Variants in RBFOX1 observed in about 807,000 individuals in gnomAD.
The protein encoded by RBFOX1 is RNA binding fox-1 homolog 1, also known as RNA binding protein fox-1 homolog 1.
Under a neutral mutation model 57.7 loss-of-function variants are expected in RBFOX1, and 8 were observed. The observed-to-expected ratio is 0.14, with a 90% CI of 0.08 to 0.25. The LOEUF (loss-of-function observed/expected upper bound fraction) is 0.25. Among genes scored for constraint, RBFOX1 ranks in the 10% least tolerant of loss-of-function variants. RBFOX1 has a pLI of 1.00. For synonymous variants in RBFOX1, 326 were observed against 222.4 expected (o/e 1.47, Z -4.15); for missense variants, 611 against 548.5 (o/e 1.11, Z -1.14).
chr16:6,587,192 C>G (rs183849130), intron 2 of RBFOX1, among the ~76,000 whole-genome samples: 1 of 152,106 alleles, frequency 6.6e-6, no homozygotes, highest in Non-Finnish European at 1.5e-5. Flanking sequence ...CCCCTCTCTC[C>G]GCACTGGTAA....
At chr16:5,725,577 T>C (rs1372161030) in intron 3 of RBFOX1, among the ~76,000 whole-genome samples, 3 of 151,588 alleles carry the variant, frequency 2.0e-5, no homozygotes, top group Non-Finnish European at 4.4e-5. Flanking sequence ...GCTTAAGATA[T>C]GTTTCTATCA....
chr16:7,380,176 A>T (rs1434805106), intron 4 of RBFOX1, among the ~76,000 whole-genome samples: 1 of 152,140 alleles, frequency 6.6e-6, no homozygotes, highest in Non-Finnish European at 1.5e-5. Context: ...TTTGCTGTAT[A>T]CCTTTTGGTA....
At chr16:5,543,607 G>A (rs141394051) in intron 2 of RBFOX1, among the ~76,000 whole-genome samples, 35 of 152,218 alleles carry the variant, frequency 2.3e-4, no homozygotes, top group Middle Eastern at 6.8e-3. Flanking sequence ...GAGATGGAGA[G>A]ACAGAAAAAA....
At chr16:6,821,763 A>G (rs924514749) in intron 3 of RBFOX1, among the ~76,000 whole-genome samples, 19 of 152,108 alleles carry the variant, frequency 1.2e-4, no homozygotes, top group African/African-American at 3.6e-4. Flanking sequence ...AAATGAACCA[A>G]TTTTTTCATT....
At chr16:6,456,877 A>T (rs1323321570) in intron 2 of RBFOX1, among the ~76,000 whole-genome samples, 2 of 152,328 alleles carry the variant, frequency 1.3e-5, no homozygotes, top group African/African-American at 4.8e-5. Context: ...ATTTAATGAG[A>T]TGGCAGAATT....
intron 5 of RBFOX1, among the ~76,000 whole-genome samples, chr16:7,532,051 T>C (rs375639948): frequency 2.0e-5 from 3 of 152,244 alleles, no homozygotes; most frequent in African/African-American, 4.8e-5. Context: ...GTATTTGACT[T>C]CTGCATTTTT....
chr16:6,920,359 T>TAA (rs2074197010), intron 3 of RBFOX1, among the ~76,000 whole-genome samples: 1 of 152,206 alleles, frequency 6.6e-6, no homozygotes, highest in Admixed American at 6.5e-5. Context: ...ATTGTCATGA[T>TAA]ACAATCTCTC....
intron 12 of RBFOX1, 93 bp downstream of exon 12, chr16:7,654,040 T>G (rs2065730093): frequency 4.5e-6 from 6 of 1,320,236 alleles, no homozygotes; most frequent in Middle Eastern, 2.7e-4. Flanking sequence ...TGGTCTTGAC[T>G]CCCCCTCCGC....
chr16:6,347,591 G>C (rs2085592874), intron 2 of RBFOX1, among the ~76,000 whole-genome samples: 1 of 152,198 alleles, frequency 6.6e-6, no homozygotes, highest in African/African-American at 2.4e-5. Flanking sequence ...GATGCTAGCT[G>C]GGTGAAGGAC....
chr16:5,860,378 T>C (rs1400635494), intron 3 of RBFOX1, among the ~76,000 whole-genome samples: 1 of 152,146 alleles, frequency 6.6e-6, no homozygotes, highest in Non-Finnish European at 1.5e-5. Flanking sequence ...CCTGGCCTAC[T>C]TCACCACTTT....
intron 4 of RBFOX1, among the ~76,000 whole-genome samples, chr16:7,415,766 GA>G (rs2098472027): frequency 7.3e-6 from 1 of 136,378 alleles, no homozygotes; most frequent in Non-Finnish European, 1.5e-5. Flanking sequence ...TCCAGTGCAG[GA>G]AAGTGGAAGA....
chr16:6,491,838 A>G (rs886828547), intron 2 of RBFOX1, among the ~76,000 whole-genome samples: 3 of 152,194 alleles, frequency 2.0e-5, no homozygotes, highest in Admixed American at 6.5e-5. Context: ...GCCCAAAGCT[A>G]TATCAATCAT....
At chr16:7,376,844 G>T (rs1454479360) in intron 4 of RBFOX1, among the ~76,000 whole-genome samples, 1 of 152,086 alleles carries the variant, frequency 6.6e-6, no homozygotes. Flanking sequence ...TAAAAGTCGT[G>T]GTCATCTCTC....
chr16:5,265,002 CTG>C (rs555034751), intron 1 of RBFOX1, among the ~76,000 whole-genome samples: 3 of 151,350 alleles, frequency 2.0e-5, no homozygotes, highest in Admixed American at 6.6e-5. Flanking sequence ...TGGAATTTCT[CTG>C]TGTGTGTGTG....
intron 1 of RBFOX1, among the ~76,000 whole-genome samples, chr16:5,442,218 G>C (rs1001587257): frequency 6.6e-6 from 1 of 152,232 alleles, no homozygotes; most frequent in African/African-American, 2.4e-5. Flanking sequence ...ACACATTTGA[G>C]GGGGAGGATG....
At chr16:7,462,723 C>A (rs1348624345) in intron 4 of RBFOX1, among the ~76,000 whole-genome samples, 1 of 152,222 alleles carries the variant, frequency 6.6e-6, no homozygotes, top group East Asian at 1.9e-4. Context: ...GACTGAGGCC[C>A]TCAAAGCTTT....
At chr16:6,780,556 A>T (rs1159228130) in intron 3 of RBFOX1, among the ~76,000 whole-genome samples, 1 of 109,206 alleles carries the variant, frequency 9.2e-6, no homozygotes, top group Non-Finnish European at 1.6e-5. Context: ...ATATATATTT[A>T]CATATTTATA....
intron 1 of RBFOX1, among the ~76,000 whole-genome samples, chr16:6,198,859 C>T (rs1340942286): frequency 6.6e-6 from 1 of 151,886 alleles, no homozygotes; most frequent in African/African-American, 2.4e-5. Context: ...TCAAGATGAG[C>T]TCTAGAAAAA....
chr16:7,379,840 C>T (rs8046132), intron 4 of RBFOX1, among the ~76,000 whole-genome samples: 98,303 of 151,514 alleles, frequency 0.65, 32,225 homozygotes, highest in East Asian at 0.79. Context: ...CCTTCCCTTC[C>T]TTCCTCTTTT....
Sources: allele counts gnomAD v4.1 joint callset (sites outside exome capture counted in the v4.1 genomes callset), GRCh38; gene constraint gnomAD v4.1.1; transcripts MANE v1.5; gene names NCBI Gene and HGNC (gene_info 2026-07-23, HGNC 2026-07-21).